NRXN3: variants seen among roughly 807,000 people sequenced by gnomAD.
NRXN3 encodes neurexin III.
In NRXN3, 32 loss-of-function variants were observed where a neutral mutation model predicts 137.6. That is an observed-to-expected ratio of 0.23 (90% CI 0.18 to 0.31). The LOEUF (loss-of-function observed/expected upper bound fraction) is 0.31, where lower values mean the gene tolerates loss of function less well. Ranked by LOEUF, NRXN3 falls within the 10% of genes least tolerant of loss-of-function variation. The pLI is 1.00. For synonymous variants in NRXN3, 798 were observed against 784.5 expected (o/e 1.02, Z -0.29); for missense variants, 1,574 against 2,062.5 (o/e 0.76, Z 4.59).
intron 15 of NRXN3, among the ~76,000 whole-genome samples, chr14:79,370,074 G>A (rs2094040008): frequency 6.6e-6 from 1 of 152,180 alleles, no homozygotes; most frequent in South Asian, 2.1e-4. Flanking sequence ...AGACAAACAT[G>A]AAGTAAGGAA....
intron 15 of NRXN3, among the ~76,000 whole-genome samples, chr14:79,274,221 C>T (rs992298158): frequency 6.6e-6 from 1 of 151,990 alleles, no homozygotes; most frequent in South Asian, 2.1e-4. Flanking sequence ...TCTGAATGCA[C>T]TCTCAAAGTG....
chr14:79,286,384 T>A (rs1456492216), intron 15 of NRXN3, among the ~76,000 whole-genome samples: 4 of 152,122 alleles, frequency 2.6e-5, no homozygotes. Context: ...ATTTTCATAT[T>A]TCTCAATTGA....
At chr14:78,241,214 C>T (rs57594148) in intron 1 of NRXN3, among the ~76,000 whole-genome samples, 4,710 of 152,222 alleles carry the variant, frequency 0.031, 222 homozygotes, top group African/African-American at 0.1. Flanking sequence ...ACACATTGCT[C>T]ACTCTATAGC....
At chr14:78,494,358 C>G (rs192820666) in intron 4 of NRXN3, among the ~76,000 whole-genome samples, 1 of 149,894 alleles carries the variant, frequency 6.7e-6, no homozygotes, top group African/African-American at 2.4e-5. Flanking sequence ...CCATATTTGG[C>G]GTGTTTTGTT....
At chr14:79,243,724 A>G (rs1297949006) in intron 15 of NRXN3, among the ~76,000 whole-genome samples, 2 of 152,148 alleles carry the variant, frequency 1.3e-5, no homozygotes, top group Non-Finnish European at 2.9e-5. Context: ...TTGTAACACA[A>G]TGGTAAGTTT....
At chr14:79,121,147 T>G (rs1281194388) in intron 15 of NRXN3, among the ~76,000 whole-genome samples, 1 of 152,218 alleles carries the variant, frequency 6.6e-6, no homozygotes, top group Non-Finnish European at 1.5e-5. Context: ...AATAATGCTT[T>G]CCACTGCTTT....
At chr14:78,501,366 T>TC (rs2095873765) in intron 4 of NRXN3, among the ~76,000 whole-genome samples, 1 of 152,142 alleles carries the variant, frequency 6.6e-6, no homozygotes, top group African/African-American at 2.4e-5. Flanking sequence ...GCCAGATCCC[T>TC]CCCTCATTGC....
chr14:79,299,006 A>G (rs1299612829), intron 15 of NRXN3: 2 of 152,276 alleles, frequency 1.3e-5, no homozygotes, highest in East Asian at 3.8e-4. Context: ...TAAACGTGCT[A>G]TGCTAGTGAT....
chr14:79,863,346 T>C lies in NRXN3; in HGVS notation c.*1382T>C, dbSNP rs954999089. ...TAAATAAATATATATACAGATATAT[T>C]TATCATGGTATGTTTGATGGGATGA... On this transcript the variant is annotated 3_prime_UTR_variant, in exon 21 of 21. Transcript: ENST00000335750. 9.9e-5 allele frequency: 15 copies of C among 151,024 alleles called. No homozygotes were observed. Among genetic ancestry groups the C allele is most frequent in the African/African-American group, 3.6e-4 (15 of 41,180 alleles). 9.4% of individuals were successfully genotyped at this position (151,024 alleles called of 1,614,324 possible).
chr14:79,262,463 G>GA (rs1408160625), intron 15 of NRXN3, among the ~76,000 whole-genome samples: 1 of 149,874 alleles, frequency 6.7e-6, no homozygotes, highest in Non-Finnish European at 1.5e-5. Context: ...GAGGAAGGAG[G>GA]AAGGAGAAAG....
intron 15 of NRXN3, among the ~76,000 whole-genome samples, chr14:79,016,254 T>G (rs2370894): frequency 6.6e-6 from 1 of 151,830 alleles, no homozygotes; most frequent in Admixed American, 6.6e-5. Flanking sequence ...GGCCATCCTT[T>G]TCTACACTTC....
At chr14:78,796,171 G>T (rs970679399) in intron 8 of NRXN3, among the ~76,000 whole-genome samples, 28 of 152,192 alleles carry the variant, frequency 1.8e-4, no homozygotes, top group Admixed American at 1.7e-3. Context: ...TATACCAATT[G>T]TGGCAGACCA....
rs189342287 is a variant in NRXN3, at chr14:78,733,340, C to A, written c.2044+18201C>A. 5.3e-5 allele frequency among the ~76,000 whole-genome samples: 8 copies of A among 152,196 alleles called. No homozygotes were observed. In the East Asian group the frequency reaches 1.4e-3, roughly 26 times the overall value. On this transcript the variant is annotated intron_variant, in intron 8 of 20. Coordinates refer to ENST00000335750, the MANE Select transcript of NRXN3 (RefSeq NM_001330195.2). ...CAAAACTTGACAAATCCTTTTCTCA[C>A]CCATATATTCTCCCTCTCATGCAAA...
intron 19 of NRXN3, among the ~76,000 whole-genome samples, chr14:79,777,429 G>A (rs995195508): frequency 1.3e-5 from 2 of 150,256 alleles, no homozygotes; most frequent in Non-Finnish European, 3.0e-5. Context: ...CTGAAAATGT[G>A]TTTCAAACTG....
intron 1 of NRXN3, among the ~76,000 whole-genome samples, chr14:78,216,344 G>C (rs977834940): frequency 1.3e-5 from 2 of 152,174 alleles, no homozygotes; most frequent in African/African-American, 4.8e-5. Flanking sequence ...TTGTCCTCCA[G>C]ATGTCTCTGT....
chr14:79,006,478 A>C (rs1236127765), intron 15 of NRXN3, among the ~76,000 whole-genome samples: 1 of 152,228 alleles, frequency 6.6e-6, no homozygotes, highest in Non-Finnish European at 1.5e-5. Context: ...GTCAAAGTAT[A>C]GTAGTCAAAG....
intron 15 of NRXN3, among the ~76,000 whole-genome samples, chr14:79,358,617 G>T (rs1260334958): frequency 7.5e-6 from 1 of 133,506 alleles, no homozygotes; most frequent in Non-Finnish European, 1.6e-5. Context: ...GAGAAAGAAA[G>T]AAAGAAAGAA....
intron 15 of NRXN3, among the ~76,000 whole-genome samples, chr14:79,279,140 C>T (rs2153438235): frequency 6.6e-6 from 1 of 152,246 alleles, no homozygotes; most frequent in Middle Eastern, 3.4e-3. Flanking sequence ...CGCGCACACA[C>T]GGCGGGGCGG....
intron 4 of NRXN3, among the ~76,000 whole-genome samples, chr14:78,507,452 G>A (rs2096015090): frequency 6.6e-6 from 1 of 152,266 alleles, no homozygotes; most frequent in Admixed American, 6.5e-5. Context: ...CCAGGGCCAT[G>A]CCACTTTTCT....
Sources: gnomAD v4.1 joint callset for allele counts (sites outside exome capture counted in the v4.1 genomes callset) on GRCh38, gnomAD v4.1.1 for gene constraint, MANE v1.5 for transcripts, NCBI Gene and HGNC (gene_info 2026-07-23, HGNC 2026-07-21) for gene names.